MRPS28: variants seen among roughly 807,000 people sequenced by gnomAD.
MRPS28 encodes mitochondrial ribosomal protein S28.
Under a neutral mutation model 10.8 loss-of-function variants are expected in MRPS28, and 7 were observed. The ratio of observed to expected loss-of-function variants is 0.65; its 90% CI spans 0.37 to 1.22. The LOEUF is 1.22. Among genes scored for constraint, MRPS28 ranks in the 50% most tolerant of loss-of-function variants. MRPS28 has a pLI of 0.02. For synonymous variants in MRPS28, 121 were observed against 93.3 expected (o/e 1.30, Z -1.71); for missense variants, 265 against 232.9 (o/e 1.14, Z -0.90).
chr8:79,941,816 A>T (rs1292826725), intron 2 of MRPS28, among the ~76,000 whole-genome samples: 1 of 152,238 alleles, frequency 6.6e-6, no homozygotes, highest in Non-Finnish European at 1.5e-5. Context: ...GTAGGTATGT[A>T]TATTTTCCAC....
intron 1 of MRPS28, among the ~76,000 whole-genome samples, chr8:80,024,746 T>C (rs1402651892): frequency 6.6e-6 from 1 of 152,192 alleles, no homozygotes; most frequent in African/African-American, 2.4e-5. Flanking sequence ...AATCCCTACT[T>C]AAGTGTAAAG....
chr8:79,998,066 AAAGAAAG>A (rs1373857379), intron 2 of MRPS28, among the ~76,000 whole-genome samples: 1 of 151,194 alleles, frequency 6.6e-6, no homozygotes, highest in Non-Finnish European at 1.5e-5. Flanking sequence ...AAAAAAAAAA[AAAGAAAG>A]AAAGAAAGAA....
chr8:79,971,105 A>G (rs1807621534), intron 2 of MRPS28, among the ~76,000 whole-genome samples: 1 of 152,208 alleles, frequency 6.6e-6, no homozygotes, highest in Non-Finnish European at 1.5e-5. Flanking sequence ...ATTGAATAAG[A>G]GCAATCAGTG....
chr8:80,004,534 G>GA (rs1015089265), intron 1 of MRPS28, among the ~76,000 whole-genome samples: 9 of 152,134 alleles, frequency 5.9e-5, no homozygotes, highest in African/African-American at 2.2e-4. Context: ...CAAAGATGGG[G>GA]AAAAAATAGA....
chr8:80,007,898 T>C (rs1808902935), intron 1 of MRPS28, among the ~76,000 whole-genome samples: 1 of 152,090 alleles, frequency 6.6e-6, no homozygotes, highest in African/African-American at 2.4e-5. Context: ...CCAATGACTT[T>C]CTTCACAGAA....
chr8:79,959,908 C>G (rs552903192), intron 2 of MRPS28, among the ~76,000 whole-genome samples: 2 of 152,238 alleles, frequency 1.3e-5, no homozygotes, highest in East Asian at 3.9e-4. Flanking sequence ...TATGTACTTT[C>G]TCTTCTTGAA....
intron 2 of MRPS28, among the ~76,000 whole-genome samples, chr8:79,961,229 G>A (rs1300580033): frequency 3.9e-5 from 6 of 152,046 alleles, no homozygotes; most frequent in African/African-American, 9.7e-5. Context: ...ATCTAAATTG[G>A]AATTCAGGAG....
chr8:80,008,133 T>C (rs941141920), intron 1 of MRPS28, among the ~76,000 whole-genome samples: 2 of 152,176 alleles, frequency 1.3e-5, no homozygotes, highest in East Asian at 3.9e-4. Flanking sequence ...TCTACAACTA[T>C]CTGATCTTTG....
intron 2 of MRPS28, among the ~76,000 whole-genome samples, chr8:79,988,640 G>A (rs975532671): frequency 6.6e-6 from 1 of 152,078 alleles, no homozygotes; most frequent in Non-Finnish European, 1.5e-5. Context: ...AAACACAAAT[G>A]TCATTTATAG....
chr8:80,005,536 C>T (rs1202405015), intron 1 of MRPS28, among the ~76,000 whole-genome samples: 1 of 152,024 alleles, frequency 6.6e-6, no homozygotes, highest in African/African-American at 2.4e-5. Flanking sequence ...AAAAACATGC[C>T]AAACTGTGGA....
chr8:79,932,875 C>T (rs148083947), intron 2 of MRPS28, among the ~76,000 whole-genome samples: 11 of 152,230 alleles, frequency 7.2e-5, no homozygotes, highest in Non-Finnish European at 1.0e-4. Context: ...CTATACTGCC[C>T]GCATTCTTCT....
intron 2 of MRPS28, among the ~76,000 whole-genome samples, chr8:79,933,112 T>C (rs768605697): frequency 1.3e-5 from 2 of 152,258 alleles, no homozygotes; most frequent in Non-Finnish European, 2.9e-5. Flanking sequence ...TGCTTGTTTA[T>C]ATATGTGTAT....
intron 1 of MRPS28, 29 bp downstream of exon 1, chr8:80,030,007 C>G: frequency 1.2e-6 from 2 of 1,602,778 alleles, no homozygotes; most frequent in African/African-American, 1.4e-5. Context: ...GTAATTCCCG[C>G]GACTCCCTCT....
rs1211261587 is a variant in MRPS28 at position 80,011,158 on chromosome 8, ATTC to A, written c.214-7981_214-7979del. Among the ~76,000 whole-genome samples the A allele has an allele frequency of 2.1e-5, 3 of 140,796 alleles. No individual in the cohort carries two copies. In the East Asian group the frequency reaches 6.1e-4, roughly 29 times the overall value. The allele number at this position is 140,796 out of a possible 152,430, so 92.4% of individuals were successfully genotyped here. ...TTATTTTTATTTTTTTTTGTAAGCC[ATTC>A]TTGACAAGAGCAGCTACATAATCCT... On this transcript the variant is annotated intron_variant, in intron 1 of 2. Transcript: ENST00000276585.
At chr8:79,930,783 T>C (rs1279820920) in intron 2 of MRPS28, among the ~76,000 whole-genome samples, 1 of 152,198 alleles carries the variant, frequency 6.6e-6, no homozygotes, top group African/African-American at 2.4e-5. Context: ...CTGGTATCTC[T>C]AGGGTGACTT....
intron 2 of MRPS28, among the ~76,000 whole-genome samples, chr8:79,972,233 G>C (rs1351781397): frequency 2.6e-5 from 4 of 152,140 alleles, no homozygotes; most frequent in African/African-American, 7.2e-5. Flanking sequence ...ATGATTTCAA[G>C]TATACAGGAG....
At chr8:79,961,937 T>C (rs974433261) in intron 2 of MRPS28, among the ~76,000 whole-genome samples, 1 of 152,148 alleles carries the variant, frequency 6.6e-6, no homozygotes, top group African/African-American at 2.4e-5. Context: ...TTATTTTTAT[T>C]CCACATACTG....
chr8:79,924,466 G>T (rs1810181029), intron 2 of MRPS28, among the ~76,000 whole-genome samples: 1 of 152,160 alleles, frequency 6.6e-6, no homozygotes. Flanking sequence ...GAATGTGTGT[G>T]TATTTTCTTC....
intron 2 of MRPS28, among the ~76,000 whole-genome samples, chr8:79,931,141 A>C (rs1806450999): frequency 6.6e-6 from 1 of 152,212 alleles, no homozygotes; most frequent in Non-Finnish European, 1.5e-5. Context: ...AGTAAGACAA[A>C]ACAGGGTAGA....
Sources: gnomAD v4.1 joint callset for allele counts (sites outside exome capture counted in the v4.1 genomes callset) on GRCh38, gnomAD v4.1.1 for gene constraint, MANE v1.5 for transcripts, NCBI Gene and HGNC (gene_info 2026-07-23, HGNC 2026-07-21) for gene names.